IL1RAP: variants seen among roughly 807,000 people sequenced by gnomAD.
IL1RAP encodes interleukin 1 receptor accessory protein.
In IL1RAP, 35 loss-of-function variants were observed where a neutral mutation model predicts 60.7. The observed-to-expected ratio is 0.58, with a 90% CI of 0.44 to 0.76. The LOEUF (loss-of-function observed/expected upper bound fraction) is 0.76. Among genes scored for constraint, IL1RAP ranks in the 30% least tolerant of loss-of-function variants. The pLI, the probability that IL1RAP is intolerant of heterozygous loss-of-function variation, is 0.00. For missense variants in IL1RAP, 572 were observed against 693.9 expected, an observed-to-expected ratio of 0.82 and a Z score of 1.97; for synonymous variants, 268 against 250.9, an observed-to-expected ratio of 1.07 and a Z score of -0.64.
chr3:190,553,285 A>G (rs1211953220), intron 1 of IL1RAP, among the ~76,000 whole-genome samples: 3 of 152,242 alleles, frequency 2.0e-5, no homozygotes, highest in African/African-American at 4.8e-5. Context: ...ATCCTTTTTC[A>G]TAATTAAAAC....
At chr3:190,539,727 TATAAA>T (rs1016847516) in intron 1 of IL1RAP, among the ~76,000 whole-genome samples, 5 of 151,182 alleles carry the variant, frequency 3.3e-5, no homozygotes, top group Non-Finnish European at 5.9e-5. Context: ...AATATATAAT[TATAAA>T]TAAAATAAAA....
chr3:190,605,792 C>A (rs998429197), intron 4 of IL1RAP, among the ~76,000 whole-genome samples: 20 of 152,172 alleles, frequency 1.3e-4, no homozygotes, highest in African/African-American at 4.8e-4. Flanking sequence ...ATTAAAGACC[C>A]CCTTTATGAC....
At chr3:190,620,874 A>G (rs186599353) in intron 6 of IL1RAP, among the ~76,000 whole-genome samples, 2 of 152,222 alleles carry the variant, frequency 1.3e-5, no homozygotes, top group African/African-American at 2.4e-5. Flanking sequence ...TGTCAAAAGA[A>G]TGTTTTACTT....
At chr3:190,589,324 C>G (rs180978204) in intron 3 of IL1RAP, among the ~76,000 whole-genome samples, 718 of 152,252 alleles carry the variant, frequency 4.7e-3, no homozygotes, top group Middle Eastern at 0.02. Context: ...TATTCACTGC[C>G]AGACATTTCT....
intron 5 of IL1RAP, among the ~76,000 whole-genome samples, chr3:190,618,939 A>G (rs1055340290): frequency 5.9e-5 from 9 of 152,246 alleles, no homozygotes; most frequent in Admixed American, 2.6e-4. Context: ...GCCTCAATGT[A>G]ACTGTCATAT....
chr3:190,610,750 G>C (rs1283232006), intron 5 of IL1RAP, among the ~76,000 whole-genome samples: 1 of 152,084 alleles, frequency 6.6e-6, no homozygotes, highest in Non-Finnish European at 1.5e-5. Flanking sequence ...AACACAATTT[G>C]TTGTAAATTT....
chr3:190,563,818 G>A (rs1726121188), intron 2 of IL1RAP: 1 of 161,048 alleles, frequency 6.2e-6, no homozygotes, highest in African/African-American at 2.4e-5. Flanking sequence ...AATAGACCAA[G>A]GGAATGCAAA....
At chr3:190,519,280 T>C (rs967295110) in intron 1 of IL1RAP, among the ~76,000 whole-genome samples, 5 of 152,200 alleles carry the variant, frequency 3.3e-5, no homozygotes, top group Non-Finnish European at 7.3e-5. Flanking sequence ...AATACTCTTA[T>C]TGTTTTATTC....
At chr3:190,655,555 C>T (rs1734586184), downstream of IL1RAP, among the ~76,000 whole-genome samples, 1 of 126,146 alleles carries the variant, frequency 7.9e-6, no homozygotes, top group Non-Finnish European at 1.6e-5. Context: ...CTCAATTGCC[C>T]ACCGTGTGTG....
chr3:190,560,971 G>T (rs79403478), intron 2 of IL1RAP, among the ~76,000 whole-genome samples: 2,057 of 152,240 alleles, frequency 0.014, 57 homozygotes, highest in African/African-American at 0.047. Flanking sequence ...AAGGGAGGGA[G>T]CATGAGGATT....
At chr3:190,542,815 A>G (rs1483228991) in intron 1 of IL1RAP, among the ~76,000 whole-genome samples, 1 of 151,988 alleles carries the variant, frequency 6.6e-6, no homozygotes, top group Non-Finnish European at 1.5e-5. Flanking sequence ...GCTTCCTGAA[A>G]GCTTTTGGGG....
chr3:190,524,302 G>A (rs893576898), intron 1 of IL1RAP, among the ~76,000 whole-genome samples: 1 of 152,004 alleles, frequency 6.6e-6, no homozygotes, highest in African/African-American at 2.4e-5. Flanking sequence ...CATTCTGTAG[G>A]TTTTCTCTTT....
At chr3:190,625,609 A>T (rs1732187468) in intron 7 of IL1RAP, among the ~76,000 whole-genome samples, 1 of 152,232 alleles carries the variant, frequency 6.6e-6, no homozygotes, top group South Asian at 2.1e-4. Flanking sequence ...GATACAATTG[A>T]TCTTGTATGT....
chr3:190,515,965 G>A (rs910598494), intron 1 of IL1RAP, among the ~76,000 whole-genome samples: 18 of 152,148 alleles, frequency 1.2e-4, no homozygotes, highest in African/African-American at 3.6e-4. Flanking sequence ...TGTATTATTG[G>A]TATTTTAAAG....
At chr3:190,615,222 G>C in intron 5 of IL1RAP, 1 of 738,532 alleles carries the variant, frequency 1.4e-6, no homozygotes, top group Non-Finnish European at 2.0e-6. Flanking sequence ...GCAAACCATA[G>C]TTTGTAAGTG....
intron 6 of IL1RAP, among the ~76,000 whole-genome samples, chr3:190,621,455 T>C (rs1731773385): frequency 1.3e-5 from 2 of 152,234 alleles, no homozygotes. Context: ...ATTTTAAAAG[T>C]CAAATGAATA....
chr3:190,559,111 C>T (rs1366424265), intron 2 of IL1RAP, among the ~76,000 whole-genome samples: 1 of 152,012 alleles, frequency 6.6e-6, no homozygotes, highest in Non-Finnish European at 1.5e-5. Context: ...CTTAGCTGAG[C>T]TTTAGTAGTT....
At chr3:190,657,138 A>G (rs985397809) in exon 12 of IL1RAP, 2 of 152,352 alleles carry the variant, frequency 1.3e-5, no homozygotes, top group Non-Finnish European at 2.9e-5. Context: ...CTCACTGTAA[A>G]CTAGTGTTCT....
intron 2 of IL1RAP, among the ~76,000 whole-genome samples, chr3:190,561,910 C>T (rs531508511): frequency 7.2e-5 from 11 of 152,258 alleles, no homozygotes; most frequent in Non-Finnish European, 1.6e-4. Flanking sequence ...ATCTAATACG[C>T]GCCTGGCAGT....
Sources: gnomAD v4.1 joint callset for allele counts (sites outside exome capture counted in the v4.1 genomes callset) on GRCh38, gnomAD v4.1.1 for gene constraint, MANE v1.5 for transcripts, NCBI Gene and HGNC (gene_info 2026-07-23, HGNC 2026-07-21) for gene names.